The following INTS9 variants were observed in gnomAD, a reference collection of about 807,000 sequenced individuals.
INTS9 encodes protein related to CPSF subunits of 74 kDa.
A neutral mutation model predicts 79.7 loss-of-function variants in INTS9; 55 were observed. The ratio of observed to expected loss-of-function variants is 0.69; its 90% CI spans 0.56 to 0.86. INTS9 has a LOEUF of 0.86. Ranked by LOEUF, INTS9 falls within the 40% of genes least tolerant of loss-of-function variation. The probability of loss-of-function intolerance (pLI) is 0.00; values close to 1 mark genes in which losing one functional copy is unlikely to be tolerated. For synonymous variants in INTS9, 319 were observed against 325.2 expected (o/e 0.98, Z 0.20); for missense variants, 721 against 831.5 (o/e 0.87, Z 1.64).
chr8:28,823,469 A>G (rs1350893532), intron 6 of INTS9, among the ~76,000 whole-genome samples: 2 of 152,090 alleles, frequency 1.3e-5, no homozygotes, highest in Admixed American at 6.6e-5. Flanking sequence ...CACTTTCCCA[A>G]TGTCCTGCTC....
At chr8:28,841,838 C>A (rs980766307) in intron 4 of INTS9, among the ~76,000 whole-genome samples, 1 of 152,136 alleles carries the variant, frequency 6.6e-6, no homozygotes, top group African/African-American at 2.4e-5. Flanking sequence ...GTAATCCTAG[C>A]ACTTTAGGGG....
chr8:28,780,535 ACTT>A (rs1171620012), intron 12 of INTS9: 4 of 985,290 alleles, frequency 4.1e-6, no homozygotes, highest in South Asian at 4.7e-5. Flanking sequence ...GAATCACTGC[ACTT>A]CTTGAAATGG....
At chr8:28,846,919 A>G in intron 3 of INTS9, 110 bp from the exon 4 acceptor site, 1 of 812,552 alleles carries the variant, frequency 1.2e-6, no homozygotes, top group South Asian at 1.5e-5. Flanking sequence ...AGACTACTAG[A>G]GCTGGAGGGA....
intron 11 of INTS9, among the ~76,000 whole-genome samples, chr8:28,787,131 T>C (rs1442451438): frequency 6.6e-6 from 1 of 152,100 alleles, no homozygotes; most frequent in Non-Finnish European, 1.5e-5. Flanking sequence ...AGAGCAATAA[T>C]AACATGAGAC....
rs1424584524 is a variant in INTS9, at chr8:28,816,132, C to T, written c.489-2520G>A. ...CTATATATCTAGCAAAACTGACTTT[C>T]TTTTTTTTTTCCTTTTTTAAAAATT... On this transcript the variant is annotated intron_variant, in intron 6 of 16. Coordinates refer to ENST00000521022, the MANE Select transcript of INTS9 (RefSeq NM_018250.4). 2.7e-5 allele frequency among the ~76,000 whole-genome samples: 4 copies of T among 147,522 alleles called. No homozygotes were observed. In the East Asian group the frequency reaches 8.0e-4, roughly 29 times the overall value.
intron 4 of INTS9, among the ~76,000 whole-genome samples, chr8:28,845,246 C>T (rs1157359429): frequency 6.6e-6 from 1 of 152,200 alleles, no homozygotes; most frequent in African/African-American, 2.4e-5. Flanking sequence ...TTGTAAATTT[C>T]ATGAGGATTG....
chr8:28,820,500 T>A (rs1475223196), intron 6 of INTS9, among the ~76,000 whole-genome samples: 1 of 152,218 alleles, frequency 6.6e-6, no homozygotes. Flanking sequence ...TGCTGAGAGA[T>A]CAGCTGTTAG....
intron 1 of INTS9, among the ~76,000 whole-genome samples, chr8:28,879,047 T>C (rs557970198): frequency 1.3e-5 from 2 of 151,190 alleles, no homozygotes; most frequent in African/African-American, 4.9e-5. Flanking sequence ...ATAGAGGAGG[T>C]ACAGAGGAAG....
chr8:28,862,180 C>T, intron 1 of INTS9: 5 of 985,392 alleles, frequency 5.1e-6, no homozygotes, highest in Non-Finnish European at 6.0e-6. Flanking sequence ...CCTCTGTCAC[C>T]AAGCAGCATA....
intron 4 of INTS9, among the ~76,000 whole-genome samples, chr8:28,838,835 T>G (rs930847279): frequency 6.6e-6 from 1 of 151,906 alleles, no homozygotes; most frequent in Non-Finnish European, 1.5e-5. Context: ...GTAACTCTTA[T>G]GACAGTTCAC....
chr8:28,880,713 A>AC (rs1809695786), intron 1 of INTS9, among the ~76,000 whole-genome samples: 1 of 136,730 alleles, frequency 7.3e-6, no homozygotes, highest in Non-Finnish European at 1.6e-5. Flanking sequence ...CTGCTTGGCC[A>AC]CCCATCGTCT....
intron 10 of INTS9, among the ~76,000 whole-genome samples, chr8:28,792,552 CA>C (rs35056670): frequency 1.1e-4 from 16 of 149,184 alleles, no homozygotes; most frequent in Admixed American, 4.7e-4. Context: ...CAAACAAAAA[CA>C]AAAAAAAAAA....
Position 28,844,508 on chromosome 8 carries a change from C to G in INTS9, c.261+2239G>C, listed in dbSNP as rs568623837. Among the ~76,000 whole-genome samples, 7 of 152,050 alleles carry G rather than the reference C, an allele frequency of 4.6e-5. No homozygotes were observed. In the East Asian group the frequency reaches 1.2e-3, roughly 25 times the overall value. ...TGAGCTGAGATCGCACCACTGCACT[C>G]CAGCCTGTGAACAGAGCCAATTTAA... On this transcript the variant is annotated intron_variant, in intron 4 of 16. Transcript: ENST00000521022.
intron 8 of INTS9, among the ~76,000 whole-genome samples, chr8:28,808,847 A>G (rs1012100464): frequency 1.3e-5 from 2 of 152,192 alleles, no homozygotes; most frequent in African/African-American, 4.8e-5. Flanking sequence ...TCAGAATTCT[A>G]CAGCAGCCTG....
At position 28,795,421 on chromosome 8, in the gene INTS9, C is replaced by T. The variant is rs183702396; in HGVS notation, c.856+1123G>A. Among the ~76,000 whole-genome samples the T allele has an allele frequency of 3.3e-3, 501 of 152,102 alleles. 1 individual carries two copies. The highest frequency in any genetic ancestry group is 5.6e-3 in the Non-Finnish European group (379 of 67,998). On this transcript the variant is annotated intron_variant, in intron 9 of 16. Coordinates refer to ENST00000521022, the MANE Select transcript of INTS9 (RefSeq NM_018250.4). ...CTTTGGGAGGCCGAGGCGGACGGAT[C>T]ATGAGGTCAGGAGTTCGAGACCAGA...
At chr8:28,778,486 G>C (rs1379941352) in intron 12 of INTS9, among the ~76,000 whole-genome samples, 1 of 152,192 alleles carries the variant, frequency 6.6e-6, no homozygotes, top group Non-Finnish European at 1.5e-5. Context: ...TTAACGCCCA[G>C]GTGTGAGATG....
intron 1 of INTS9, among the ~76,000 whole-genome samples, chr8:28,879,189 G>T (rs545638102): frequency 2.6e-5 from 4 of 152,284 alleles, no homozygotes; most frequent in African/African-American, 9.6e-5. Flanking sequence ...CAAAATGTTA[G>T]CAAACCAAAT....
At chr8:28,803,274 A>AAAT (rs1388387338) in intron 8 of INTS9, among the ~76,000 whole-genome samples, 1 of 152,244 alleles carries the variant, frequency 6.6e-6, no homozygotes, top group Non-Finnish European at 1.5e-5. Context: ...ATGACTATTA[A>AAAT]GTTGACTTTT....
chr8:28,884,023 G>A (rs939002375), intron 1 of INTS9, among the ~76,000 whole-genome samples: 3 of 152,062 alleles, frequency 2.0e-5, no homozygotes, highest in Non-Finnish European at 4.4e-5. Context: ...AAACAAATAT[G>A]CTACTGTGGT....
Sources: allele counts gnomAD v4.1 joint callset (sites outside exome capture counted in the v4.1 genomes callset), GRCh38; gene constraint gnomAD v4.1.1; transcripts MANE v1.5; gene names NCBI Gene and HGNC (gene_info 2026-07-23, HGNC 2026-07-21).